RBFOX1: variants seen among roughly 807,000 people sequenced by gnomAD.
The protein encoded by RBFOX1 is RNA binding fox-1 homolog 1, also known as RNA binding protein fox-1 homolog 1.
RBFOX1 carries 8 observed loss-of-function variants against 57.7 expected under a neutral mutation model. That is an observed-to-expected ratio of 0.14 (90% CI 0.08 to 0.25). The LOEUF (loss-of-function observed/expected upper bound fraction) is 0.25. Among genes scored for constraint, RBFOX1 ranks in the 10% least tolerant of loss-of-function variants. The pLI is 1.00. For missense variants in RBFOX1, 611 were observed against 548.5 expected, an observed-to-expected ratio of 1.11 and a Z score of -1.14; for synonymous variants, 326 against 222.4, an observed-to-expected ratio of 1.47 and a Z score of -4.15.
intron 11 of RBFOX1, among the ~76,000 whole-genome samples, chr16:7,646,792 T>C (rs968012238): frequency 6.6e-6 from 1 of 152,240 alleles, no homozygotes; most frequent in African/African-American, 2.4e-5. Flanking sequence ...TCCACTGGTT[T>C]TGTGTTTTTT....
chr16:5,815,972 TCTTACAGC>T (rs2055619126), intron 3 of RBFOX1, among the ~76,000 whole-genome samples: 1 of 152,130 alleles, frequency 6.6e-6, no homozygotes, highest in African/African-American at 2.4e-5. Context: ...CTTGGTTGGA[TCTTACAGC>T]CCCCAGGTAT....
At chr16:5,382,990 A>T (rs2066167018) in intron 1 of RBFOX1, among the ~76,000 whole-genome samples, 1 of 152,208 alleles carries the variant, frequency 6.6e-6, no homozygotes, top group Non-Finnish European at 1.5e-5. Flanking sequence ...CAATTTAGCC[A>T]TCAAGAATAA....
intron 14 of RBFOX1, among the ~76,000 whole-genome samples, chr16:7,679,193 G>C (rs1381257649): frequency 1.3e-5 from 2 of 152,160 alleles, no homozygotes; most frequent in Admixed American, 1.3e-4. Context: ...TCTGTAATAA[G>C]CAGATATTGA....
chr16:6,438,912 C>T (rs1437872653), intron 2 of RBFOX1, among the ~76,000 whole-genome samples: 1 of 152,154 alleles, frequency 6.6e-6, no homozygotes, highest in African/African-American at 2.4e-5. Context: ...CTGAATTTTG[C>T]AACTCATAAT....
chr16:6,041,962 A>G (rs12933679), intron 1 of RBFOX1, among the ~76,000 whole-genome samples: 44,750 of 152,034 alleles, frequency 0.29, 7,178 homozygotes, highest in Non-Finnish European at 0.37. Context: ...AGGCCCTAGG[A>G]AAGAATCCCT....
intron 1 of RBFOX1, among the ~76,000 whole-genome samples, chr16:5,278,008 T>G (rs2063183414): frequency 6.6e-6 from 1 of 152,216 alleles, no homozygotes; most frequent in African/African-American, 2.4e-5. Context: ...TCCTTTTTTT[T>G]GGATATATAC....
At chr16:5,967,987 A>G (rs900888154) in intron 4 of RBFOX1, among the ~76,000 whole-genome samples, 13 of 152,134 alleles carry the variant, frequency 8.5e-5, no homozygotes, top group Non-Finnish European at 1.8e-4. Flanking sequence ...ACTTTGCTTT[A>G]TAAACCCTCA....
At chr16:7,150,502 A>C (rs570966020) in intron 4 of RBFOX1, among the ~76,000 whole-genome samples, 5 of 152,180 alleles carry the variant, frequency 3.3e-5, no homozygotes, top group Non-Finnish European at 5.9e-5. Context: ...TAACAATTCC[A>C]TAAATGATGA....
chr16:7,480,717 C>T (rs1400935098), intron 4 of RBFOX1, among the ~76,000 whole-genome samples: 1 of 152,198 alleles, frequency 6.6e-6, no homozygotes, highest in Non-Finnish European at 1.5e-5. Context: ...GAGAAATCTT[C>T]TGCCCTCCGA....
chr16:7,461,797 A>AGCT (rs996766080), intron 4 of RBFOX1, among the ~76,000 whole-genome samples: 41 of 142,462 alleles, frequency 2.9e-4, no homozygotes, highest in African/African-American at 1.1e-3. Flanking sequence ...TAGAGCTTAC[A>AGCT]GCAGCATCCT....
At chr16:7,230,580 T>G (rs2093440575) in intron 4 of RBFOX1, among the ~76,000 whole-genome samples, 1 of 152,176 alleles carries the variant, frequency 6.6e-6, no homozygotes, top group African/African-American at 2.4e-5. Context: ...GCAAGGTTCG[T>G]TTCATTTCCC....
intron 4 of RBFOX1, among the ~76,000 whole-genome samples, chr16:7,391,963 T>C (rs555932953): frequency 6.6e-6 from 1 of 152,334 alleles, no homozygotes; most frequent in African/African-American, 2.4e-5. Flanking sequence ...CTGTCACTGA[T>C]TACTTGCTGC....
intron 3 of RBFOX1, among the ~76,000 whole-genome samples, chr16:6,774,513 C>G (rs978441406): frequency 6.6e-6 from 1 of 152,098 alleles, no homozygotes; most frequent in African/African-American, 2.4e-5. Flanking sequence ...TAGTCATTGT[C>G]TTACTTCTCT....
At chr16:6,606,619 T>C (rs751918356) in intron 2 of RBFOX1, among the ~76,000 whole-genome samples, 2 of 152,194 alleles carry the variant, frequency 1.3e-5, no homozygotes, top group Non-Finnish European at 2.9e-5. Flanking sequence ...ATGTGGTGTT[T>C]GGTTTTCTGT....
intron 4 of RBFOX1, among the ~76,000 whole-genome samples, chr16:7,393,483 C>G (rs2098081579): frequency 6.6e-6 from 1 of 152,142 alleles, no homozygotes; most frequent in African/African-American, 2.4e-5. Flanking sequence ...CCTACCCCAT[C>G]TGTCTTAGGT....
At chr16:7,129,317 G>C (rs750778833) in intron 4 of RBFOX1, among the ~76,000 whole-genome samples, 2 of 152,086 alleles carry the variant, frequency 1.3e-5, no homozygotes, top group Non-Finnish European at 2.9e-5. Flanking sequence ...GGTTAGATTT[G>C]GGTCCTGTCT....
intron 1 of RBFOX1, among the ~76,000 whole-genome samples, chr16:6,075,604 C>T (rs1283464798): frequency 6.6e-6 from 1 of 152,210 alleles, no homozygotes. Flanking sequence ...CACATACACA[C>T]ACACAAAGAC....
At chr16:7,409,579 T>C (rs1478448422) in intron 4 of RBFOX1, among the ~76,000 whole-genome samples, 1 of 152,194 alleles carries the variant, frequency 6.6e-6, no homozygotes, top group African/African-American at 2.4e-5. Flanking sequence ...ATTGAATATG[T>C]ATGTGTGCGT....
intron 3 of RBFOX1, among the ~76,000 whole-genome samples, chr16:6,865,510 G>C (rs966328151): frequency 5.9e-5 from 9 of 152,048 alleles, no homozygotes; most frequent in Non-Finnish European, 1.3e-4. Flanking sequence ...TTAACACATG[G>C]TTAATGACTT....
Sources: gnomAD v4.1 joint callset for allele counts (sites outside exome capture counted in the v4.1 genomes callset) on GRCh38, gnomAD v4.1.1 for gene constraint, MANE v1.5 for transcripts, NCBI Gene and HGNC (gene_info 2026-07-23, HGNC 2026-07-21) for gene names.